BCKDHB: variants seen among roughly 807,000 people sequenced by gnomAD.
BCKDHB encodes branched chain keto acid dehydrogenase E1 subunit beta.
In BCKDHB, 41 loss-of-function variants were observed where a neutral mutation model predicts 48.5. That is an observed-to-expected ratio of 0.85 (90% CI 0.66 to 1.10). The LOEUF is 1.10. Among genes scored for constraint, BCKDHB ranks in the 50% least tolerant of loss-of-function variants. The pLI is 0.00. For synonymous variants in BCKDHB, 201 were observed against 174.8 expected (o/e 1.15, Z -1.18); for missense variants, 496 against 494.2 (o/e 1.00, Z -0.03).
chr6:80,376,506 T>C, the BCKDHB span, among the ~76,000 whole-genome samples: 1 of 152,174 alleles, frequency 6.6e-6, no homozygotes, highest in Non-Finnish European at 1.5e-5. Context: ...GCAATGGCAA[T>C]CCACCTCCTT....
At chr6:80,260,729 C>CT (rs1176987930) in intron 8 of BCKDHB, among the ~76,000 whole-genome samples, 1 of 152,056 alleles carries the variant, frequency 6.6e-6, no homozygotes, top group African/African-American at 2.4e-5. Context: ...GTCTGCTTTG[C>CT]TAAATGTAAC....
At chr6:80,157,541 C>G (rs1772105179) in intron 3 of BCKDHB, among the ~76,000 whole-genome samples, 1 of 148,478 alleles carries the variant, frequency 6.7e-6, no homozygotes, top group Non-Finnish European at 1.5e-5. Flanking sequence ...TCTTGGCTCA[C>G]CGCAACCTCC....
chr6:80,359,586 CTTATTG>C, the BCKDHB span, among the ~76,000 whole-genome samples: 1 of 151,876 alleles, frequency 6.6e-6, no homozygotes, highest in Non-Finnish European at 1.5e-5. Context: ...ACGCTTGTTT[CTTATTG>C]TTGTTGTTTG....
At chr6:80,226,101 A>T (rs1449736342) in intron 8 of BCKDHB, among the ~76,000 whole-genome samples, 1 of 152,340 alleles carries the variant, frequency 6.6e-6, no homozygotes, top group East Asian at 1.9e-4. Context: ...ATTTCAGCAA[A>T]TTATGGCAGT....
At chr6:80,328,754 T>C (rs575398128) in intron 9 of BCKDHB, among the ~76,000 whole-genome samples, 1 of 152,242 alleles carries the variant, frequency 6.6e-6, no homozygotes, top group Non-Finnish European at 1.5e-5. Context: ...TGGTACTAGC[T>C]CAGAATTTGC....
At chr6:80,313,755 T>C (rs1419470980) in intron 9 of BCKDHB, among the ~76,000 whole-genome samples, 1 of 152,182 alleles carries the variant, frequency 6.6e-6, no homozygotes, top group East Asian at 1.9e-4. Flanking sequence ...TTGCTGCGTT[T>C]TTCAGTTCAT....
At chr6:80,168,712 C>CAGGA (rs1397243534) in intron 4 of BCKDHB, among the ~76,000 whole-genome samples, 163 bp from the exon 5 acceptor site, 1 of 106,284 alleles carries the variant, frequency 9.4e-6, no homozygotes, top group Admixed American at 1.3e-4. Flanking sequence ...GGCAGGCAGG[C>CAGGA]AGGAAGGAAG....
intron 3 of BCKDHB, among the ~76,000 whole-genome samples, chr6:80,165,357 G>A (rs577504139): frequency 6.6e-6 from 1 of 152,308 alleles, no homozygotes; most frequent in South Asian, 2.1e-4. Flanking sequence ...AGATCATGAT[G>A]AGTATGAATC....
intron 8 of BCKDHB, among the ~76,000 whole-genome samples, chr6:80,250,749 A>G (rs588009): frequency 0.91 from 137,876 of 152,208 alleles, 62,511 homozygotes; most frequent in East Asian, 0.99. Context: ...TCCATCTTAT[A>G]AGAGTCCATG....
intron 9 of BCKDHB, among the ~76,000 whole-genome samples, chr6:80,295,200 C>T (rs938580306): frequency 6.6e-6 from 1 of 152,114 alleles, no homozygotes; most frequent in Non-Finnish European, 1.5e-5. Context: ...CCTCGATATA[C>T]TGGTATCAAT....
chr6:80,386,684 A>G, the BCKDHB span, among the ~76,000 whole-genome samples: 125 of 152,356 alleles, frequency 8.2e-4, no homozygotes, highest in Middle Eastern at 0.014. Flanking sequence ...TAAAGTGGCA[A>G]TCAGAATAGT....
At chr6:80,177,071 G>A (rs575905128) in intron 6 of BCKDHB, among the ~76,000 whole-genome samples, 1 of 151,162 alleles carries the variant, frequency 6.6e-6, no homozygotes, top group Non-Finnish European at 1.5e-5. Context: ...CACAAAAAAT[G>A]CAAAATGTAG....
the BCKDHB span, among the ~76,000 whole-genome samples, chr6:80,408,535 A>T: frequency 6.6e-6 from 1 of 151,734 alleles, no homozygotes; most frequent in Non-Finnish European, 1.5e-5. Context: ...AATTTCAGAA[A>T]CTGTTATTGG....
At chr6:80,274,548 C>T (rs1040535059) in intron 9 of BCKDHB, among the ~76,000 whole-genome samples, 1 of 151,946 alleles carries the variant, frequency 6.6e-6, no homozygotes, top group Non-Finnish European at 1.5e-5. Context: ...AATATATAGT[C>T]TACTAAACCA....
At chr6:80,462,306 A>G in the BCKDHB span, among the ~76,000 whole-genome samples, 1 of 152,184 alleles carries the variant, frequency 6.6e-6, no homozygotes, top group African/African-American at 2.4e-5. Context: ...TTTCAACATC[A>G]TATCCCTAAT....
chr6:80,359,250 G>A, the BCKDHB span, among the ~76,000 whole-genome samples: 4 of 152,168 alleles, frequency 2.6e-5, no homozygotes, highest in South Asian at 4.1e-4. Context: ...AGCAGGTAGA[G>A]ACCTTGTTCT....
intron 8 of BCKDHB, among the ~76,000 whole-genome samples, chr6:80,207,729 G>A (rs925913249): frequency 2.0e-5 from 3 of 151,012 alleles, no homozygotes; most frequent in African/African-American, 7.3e-5. Flanking sequence ...AAAGCATTAA[G>A]GCAAAAAGGA....
At chr6:80,201,317 A>G (rs898159398) in intron 7 of BCKDHB, among the ~76,000 whole-genome samples, 1 of 152,048 alleles carries the variant, frequency 6.6e-6, no homozygotes, top group African/African-American at 2.4e-5. Context: ...CATAGTTACT[A>G]TTTTGTGTGT....
chr6:80,353,889 C>T, the BCKDHB span, among the ~76,000 whole-genome samples: 1 of 152,040 alleles, frequency 6.6e-6, no homozygotes, highest in East Asian at 1.9e-4. Flanking sequence ...AGTAGCCATT[C>T]TGACTAAGGT....
Sources: gnomAD v4.1 joint callset for allele counts (sites outside exome capture counted in the v4.1 genomes callset) on GRCh38, gnomAD v4.1.1 for gene constraint, MANE v1.5 for transcripts, NCBI Gene and HGNC (gene_info 2026-07-23, HGNC 2026-07-21) for gene names.